ADGB: variants seen among roughly 807,000 people sequenced by gnomAD.
ADGB encodes the protein androglobin, also known as calpain-7-like protein.
A neutral mutation model predicts 210.5 loss-of-function variants in ADGB; 172 were observed. That is an observed-to-expected ratio of 0.82 (90% CI 0.72 to 0.93). ADGB has a LOEUF of 0.93. Ranked by LOEUF, ADGB falls within the 40% of genes least tolerant of loss-of-function variation. ADGB has a pLI of 0.00. For missense variants in ADGB, 2,025 were observed against 1,964.8 expected (o/e 1.03, Z -0.58); for synonymous variants, 658 against 662.7 (o/e 0.99, Z 0.11).
intron 13 of ADGB, among the ~76,000 whole-genome samples, chr6:146,714,510 T>C (rs1426861830): frequency 6.6e-6 from 1 of 152,204 alleles, no homozygotes; most frequent in Admixed American, 6.5e-5. Context: ...ACTTCCAGAG[T>C]ATCTGTGAGT....
chr6:146,791,767 T>A (rs1371836884), intron 33 of ADGB, among the ~76,000 whole-genome samples: 1 of 151,988 alleles, frequency 6.6e-6, no homozygotes, highest in Non-Finnish European at 1.5e-5. Context: ...TTCAGTTTAG[T>A]TTTTATTTTG....
At chr6:146,672,148 G>T in intron 7 of ADGB, 72 bp from the exon 8 acceptor site, 6 of 1,432,158 alleles carry the variant, frequency 4.2e-6, no homozygotes, top group Non-Finnish European at 5.5e-6. Context: ...TTTTCTGTCA[G>T]TAATTTCTTG....
At chr6:146,707,277 T>C (rs972808483) in intron 13 of ADGB, among the ~76,000 whole-genome samples, 6 of 152,170 alleles carry the variant, frequency 3.9e-5, no homozygotes, top group Admixed American at 6.5e-5. Flanking sequence ...TGGAGAATGT[T>C]CCTTGTGAGC....
Position 146,753,145 on chromosome 6 carries a change from C to T in ADGB, c.3550+431C>T, listed in dbSNP as rs531661012. 1.4e-4 allele frequency among the ~76,000 whole-genome samples: 22 copies of T among 152,090 alleles called. No individual in the cohort carries two copies. In the South Asian group the frequency reaches 4.4e-3, roughly 30 times the overall value. On this transcript the variant is annotated intron_variant, in intron 27 of 35. Transcript: ENST00000397944. Reference sequence around the variant, plus strand: ...TTGGAAATAATGGTTAGCAGTGCTACTCTGAGGTGTATTACGTAGTTATGT... The same window carrying T: ...TTGGAAATAATGGTTAGCAGTGCTATTCTGAGGTGTATTACGTAGTTATGT...
At chr6:146,672,171 A>G (rs1019061601) in intron 7 of ADGB, 49 bp from the exon 8 acceptor site, 39 of 1,000,978 alleles carry the variant, frequency 3.9e-5, no homozygotes, top group Non-Finnish European at 4.1e-5. Flanking sequence ...AAGTTCAAGG[A>G]AAAAAAAAAA....
At chr6:146,812,179 AT>A (rs1165298007) in intron 35 of ADGB, among the ~76,000 whole-genome samples, 2 of 152,256 alleles carry the variant, frequency 1.3e-5, no homozygotes, top group African/African-American at 4.8e-5. Flanking sequence ...TTAATAACAG[AT>A]TTTTCCCCAT....
At chr6:146,662,246 T>G (rs1165860731) in intron 5 of ADGB, among the ~76,000 whole-genome samples, 1 of 152,122 alleles carries the variant, frequency 6.6e-6, no homozygotes, top group Non-Finnish European at 1.5e-5. Context: ...TTTCTCTTCT[T>G]TTTTTCAGTG....
At chr6:146,786,753 G>C (rs1272751560) in intron 32 of ADGB, among the ~76,000 whole-genome samples, 3 of 152,120 alleles carry the variant, frequency 2.0e-5, no homozygotes, top group Non-Finnish European at 4.4e-5. Context: ...TGTAATGCTA[G>C]GAAAACAAAG....
chr6:146,685,321 A>G (rs982137125), intron 9 of ADGB, among the ~76,000 whole-genome samples: 2 of 152,066 alleles, frequency 1.3e-5, no homozygotes. Flanking sequence ...ACAAAATGAC[A>G]TAGAAGCTCC....
At chr6:146,629,758 A>C (rs2114852472) in intron 1 of ADGB, among the ~76,000 whole-genome samples, 1 of 152,266 alleles carries the variant, frequency 6.6e-6, no homozygotes, top group South Asian at 2.1e-4. Flanking sequence ...TTTTCAATTA[A>C]TACTATGAAA....
At chr6:146,608,114 G>A (rs1269763297) in intron 1 of ADGB, among the ~76,000 whole-genome samples, 2 of 151,910 alleles carry the variant, frequency 1.3e-5, no homozygotes, top group Non-Finnish European at 2.9e-5. Context: ...GTTTCTTCCT[G>A]GTTCAAACTT....
At chr6:146,753,996 T>A (rs939251771) in intron 27 of ADGB, among the ~76,000 whole-genome samples, 4 of 151,494 alleles carry the variant, frequency 2.6e-5, no homozygotes, top group Admixed American at 2.0e-4. Context: ...TTTTAAAAAA[T>A]TTATTATATT....
chr6:146,638,425 T>TA (rs1269803385), intron 2 of ADGB, among the ~76,000 whole-genome samples: 2 of 151,590 alleles, frequency 1.3e-5, no homozygotes, highest in Admixed American at 6.6e-5. Context: ...TATGCAGCCA[T>TA]AAAAAATGAT....
At chr6:146,747,091 G>A (rs1160393017) in intron 26 of ADGB, among the ~76,000 whole-genome samples, 1 of 152,086 alleles carries the variant, frequency 6.6e-6, no homozygotes, top group Non-Finnish European at 1.5e-5. Flanking sequence ...ATTGGCCACT[G>A]TGAGAATCAA....
At chr6:146,701,465 G>A (rs1776488916) in intron 13 of ADGB, among the ~76,000 whole-genome samples, 1 of 151,984 alleles carries the variant, frequency 6.6e-6, no homozygotes, top group Admixed American at 6.6e-5. Context: ...GTCTATCACA[G>A]TGTTAGTGGC....
At chr6:146,665,808 G>A (rs1475326909) in intron 6 of ADGB, among the ~76,000 whole-genome samples, 2 of 151,946 alleles carry the variant, frequency 1.3e-5, no homozygotes, top group African/African-American at 4.8e-5. Flanking sequence ...ACAGTACATA[G>A]TGATTGCTTT....
intron 5 of ADGB, among the ~76,000 whole-genome samples, chr6:146,660,491 C>T (rs1345682167): frequency 2.0e-5 from 3 of 152,030 alleles, no homozygotes; most frequent in Admixed American, 6.6e-5. Flanking sequence ...AGCTATTGTA[C>T]ATAATTTATA....
intron 7 of ADGB, among the ~76,000 whole-genome samples, chr6:146,668,319 A>G (rs1775964022): frequency 6.6e-6 from 1 of 152,034 alleles, no homozygotes; most frequent in African/African-American, 2.4e-5. Flanking sequence ...CCCAGGGGCA[A>G]TAGAGATTAG....
At chr6:146,739,931 T>C (rs1225737796) in intron 23 of ADGB, among the ~76,000 whole-genome samples, 3 of 152,236 alleles carry the variant, frequency 2.0e-5, no homozygotes, top group Admixed American at 1.3e-4. Context: ...TAGCAGTGTA[T>C]GCTCTACTCC....
Sources: allele counts gnomAD v4.1 joint callset (sites outside exome capture counted in the v4.1 genomes callset), GRCh38; gene constraint gnomAD v4.1.1; transcripts MANE v1.5; gene names NCBI Gene and HGNC (gene_info 2026-07-23, HGNC 2026-07-21).